Variants in DLGAP2 observed in about 807,000 individuals in gnomAD.
DLGAP2 encodes disks large-associated protein 2.
DLGAP2 carries 26 observed loss-of-function variants against 100.3 expected under a neutral mutation model. The observed-to-expected ratio is 0.26, with a 90% CI of 0.19 to 0.36. DLGAP2 has a LOEUF of 0.36. Ranked by LOEUF, DLGAP2 falls within the 10% of genes least tolerant of loss-of-function variation. The probability of loss-of-function intolerance (pLI) is 1.00; values close to 1 mark genes in which losing one functional copy is unlikely to be tolerated. For missense variants in DLGAP2, 1,858 were observed against 1,453.2 expected, an observed-to-expected ratio of 1.28 and a Z score of -4.53; for synonymous variants, 886 against 630.1, an observed-to-expected ratio of 1.41 and a Z score of -6.08.
At chr8:1,202,221 T>C (rs540072469) in intron 2 of DLGAP2, among the ~76,000 whole-genome samples, 3 of 150,150 alleles carry the variant, frequency 2.0e-5, no homozygotes, top group East Asian at 2.0e-4. Flanking sequence ...TGTATGCATG[T>C]ATTCTGTATG....
chr8:1,337,114 AATG>A (rs1326172588), intron 3 of DLGAP2, among the ~76,000 whole-genome samples: 6 of 148,516 alleles, frequency 4.0e-5, no homozygotes, highest in African/African-American at 9.8e-5. Context: ...AGAAATAGAT[AATG>A]ATGATGATGA....
intron 4 of DLGAP2, among the ~76,000 whole-genome samples, chr8:1,507,851 C>G (rs1270147854): frequency 6.9e-6 from 1 of 144,822 alleles, no homozygotes; most frequent in Non-Finnish European, 1.5e-5. Context: ...GCCTCCACCA[C>G]CACACTTCCT....
At chr8:885,297 C>T (rs1797901310) in intron 1 of DLGAP2, among the ~76,000 whole-genome samples, 1 of 152,130 alleles carries the variant, frequency 6.6e-6, no homozygotes. Context: ...TCTCTCATTT[C>T]CTTGAGCAGT....
intron 3 of DLGAP2, among the ~76,000 whole-genome samples, chr8:1,353,465 T>A (rs1208792410): frequency 6.6e-6 from 1 of 152,260 alleles, no homozygotes; most frequent in Non-Finnish European, 1.5e-5. Flanking sequence ...TTGTGCCGGA[T>A]GATCTTGCCC....
intron 5 of DLGAP2, among the ~76,000 whole-genome samples, chr8:1,553,559 A>C (rs192054681): frequency 6.6e-6 from 1 of 151,854 alleles, no homozygotes; most frequent in East Asian, 1.9e-4. Context: ...TGTTGGAAGC[A>C]AATGGCAGAA....
At chr8:907,711 C>G (rs1275363174) in intron 1 of DLGAP2, among the ~76,000 whole-genome samples, 1 of 152,214 alleles carries the variant, frequency 6.6e-6, no homozygotes, top group Non-Finnish European at 1.5e-5. Flanking sequence ...GATAATCACA[C>G]TCACCTGATT....
intron 3 of DLGAP2, among the ~76,000 whole-genome samples, chr8:1,378,988 G>A (rs1375790230): frequency 6.6e-6 from 1 of 152,204 alleles, no homozygotes; most frequent in African/African-American, 2.4e-5. Context: ...ACCACAGCAT[G>A]TGTCCCCTTG....
chr8:933,016 A>G (rs1798993407), intron 2 of DLGAP2, among the ~76,000 whole-genome samples: 1 of 152,198 alleles, frequency 6.6e-6, no homozygotes, highest in Admixed American at 6.5e-5. Context: ...TCCTGCAAGA[A>G]TATGTGGGAA....
intron 3 of DLGAP2, among the ~76,000 whole-genome samples, chr8:1,330,790 ACTGCTTCACGGGGACCGAGTTCTGGGT>A: frequency 7.9e-6 from 1 of 126,646 alleles, no homozygotes; most frequent in African/African-American, 3.3e-5. Context: ...GGGTGGGAGC[ACTGCTTCACGGGGACCGAGTTCTGGGT>A]GGGACTGAGT....
Position 1,389,851 on chromosome 8 carries a change from T to G in DLGAP2, c.107-111515T>G, listed in dbSNP as rs181771633. Among the ~76,000 whole-genome samples the G allele has an allele frequency of 1.4e-4, 21 of 152,146 alleles. No individual in the cohort carries two copies. In the East Asian group the frequency reaches 3.7e-3, roughly 27 times the overall value. On this transcript the variant is annotated intron_variant, in intron 3 of 14. Transcript: ENST00000637795. ...CCCAGATCTGCCCCAGACCCAGATC[T>G]GCCTTTTCATGAAAATTGGAAGACA...
chr8:958,351 G>A (rs776437290), intron 2 of DLGAP2, among the ~76,000 whole-genome samples: 10 of 152,196 alleles, frequency 6.6e-5, no homozygotes, highest in Non-Finnish European at 1.0e-4. Context: ...GTCAACAGTG[G>A]ACACTGGGGC....
At chr8:901,377 T>G (rs1352309244) in intron 1 of DLGAP2, among the ~76,000 whole-genome samples, 1 of 152,230 alleles carries the variant, frequency 6.6e-6, no homozygotes, top group Non-Finnish European at 1.5e-5. Flanking sequence ...TTGAATTTCT[T>G]CCAAAGAAAG....
At chr8:1,306,481 C>T (rs1288099138) in intron 3 of DLGAP2, among the ~76,000 whole-genome samples, 1 of 152,090 alleles carries the variant, frequency 6.6e-6, no homozygotes, top group Non-Finnish European at 1.5e-5. Context: ...GATTGAAAGG[C>T]TTACTGTTGT....
chr8:1,208,208 A>G (rs901912315), intron 2 of DLGAP2, among the ~76,000 whole-genome samples: 1 of 152,294 alleles, frequency 6.6e-6, no homozygotes, highest in African/African-American at 2.4e-5. Flanking sequence ...CTTAGCTGTA[A>G]GTCTTTGATC....
At chr8:1,448,571 G>A (rs923174649) in intron 3 of DLGAP2, among the ~76,000 whole-genome samples, 3 of 152,086 alleles carry the variant, frequency 2.0e-5, no homozygotes, top group Admixed American at 6.5e-5. Context: ...CTGTTGATTT[G>A]GGGTGGAGAG....
chr8:1,698,581 A>G (rs867355561), intron 14 of DLGAP2, among the ~76,000 whole-genome samples: 2,087 of 133,008 alleles, frequency 0.016, 79 homozygotes, highest in African/African-American at 0.058. Flanking sequence ...ATGGGACTAG[A>G]CAGGTCCAAG....
At chr8:1,575,355 C>G (rs1802920741) in intron 6 of DLGAP2, among the ~76,000 whole-genome samples, 1 of 151,992 alleles carries the variant, frequency 6.6e-6, no homozygotes, top group Non-Finnish European at 1.5e-5. Context: ...ATGGAACTCA[C>G]AGGTGCAGAC....
At chr8:1,477,658 T>C (rs775640427) in intron 3 of DLGAP2, among the ~76,000 whole-genome samples, 3 of 152,212 alleles carry the variant, frequency 2.0e-5, no homozygotes, top group Admixed American at 6.5e-5. Context: ...CACCCAGGAA[T>C]GTGCATCCAA....
At chr8:1,342,367 T>A (rs1801436952) in intron 3 of DLGAP2, among the ~76,000 whole-genome samples, 1 of 152,152 alleles carries the variant, frequency 6.6e-6, no homozygotes, top group Non-Finnish European at 1.5e-5. Context: ...GCGTTTAATT[T>A]GTGATGTATG....
Sources: allele counts gnomAD v4.1 joint callset (sites outside exome capture counted in the v4.1 genomes callset), GRCh38; gene constraint gnomAD v4.1.1; transcripts MANE v1.5; gene names NCBI Gene and HGNC (gene_info 2026-07-23, HGNC 2026-07-21).